Variants in RHEX observed in about 807,000 individuals in gnomAD.
RHEX encodes the protein regulator of hemoglobinization and erythroid cell expansion, also known as regulator of hemoglobinization and erythroid cell expansion protein.
In RHEX, 18 loss-of-function variants were observed where a neutral mutation model predicts 20.1. The ratio of observed to expected loss-of-function variants is 0.90; its 90% CI spans 0.62 to 1.33. The LOEUF (loss-of-function observed/expected upper bound fraction) is 1.33. Among genes scored for constraint, RHEX ranks in the 40% most tolerant of loss-of-function variants. RHEX has a pLI of 0.00. For synonymous variants in RHEX, 87 were observed against 77.1 expected, an observed-to-expected ratio of 1.13 and a Z score of -0.67; for missense variants, 192 against 214.3, an observed-to-expected ratio of 0.90 and a Z score of 0.65.
intron 1 of RHEX, among the ~76,000 whole-genome samples, chr1:206,057,416 C>A (rs1662214274): frequency 6.6e-6 from 1 of 152,252 alleles, no homozygotes; most frequent in Non-Finnish European, 1.5e-5. Flanking sequence ...TTTACTCATC[C>A]TGTAGGGCAG....
chr1:206,101,880 C>G lies in RHEX; in HGVS notation c.447C>G (p.His149Gln), dbSNP rs782744250. The change falls in exon 6 of 6, where the codon CAC becomes CAG. Residue 149 changes from histidine to glutamine, a missense_variant. His to Gln is a conservative substitution (Grantham distance 24). Coordinates refer to ENST00000331555, the MANE Select transcript of RHEX (RefSeq NM_001007544.4). Reference sequence around the variant, plus strand: ...ATGTCAATGTCAATCCAGAAAGACACAAGCCCAGTTTCTGGTATTTTGTCA... The same window carrying G: ...ATGTCAATGTCAATCCAGAAAGACAGAAGCCCAGTTTCTGGTATTTTGTCA... ...TDYVNVNPERHKPSFWYFVNP... is the reference protein window; with the variant it reads ...TDYVNVNPERQKPSFWYFVNP... The G allele has an allele frequency of 6.8e-6, 11 of 1,613,978 alleles. No homozygotes were observed. In the Admixed American group the frequency reaches 1.8e-4, roughly 27 times the overall value.
chr1:206,076,181 G>A (rs564869211), intron 1 of RHEX, among the ~76,000 whole-genome samples: 178 of 151,590 alleles, frequency 1.2e-3, no homozygotes, highest in Admixed American at 2.0e-3. Flanking sequence ...ATGAGACAGG[G>A]TTTTGCTCTG....
In RHEX at chr1:206,082,307, G is replaced by C. The variant is rs1571865376; in HGVS notation, c.-96-15426G>C. On this transcript the variant is annotated intron_variant, in intron 1 of 5. Transcript: ENST00000331555. ...CTGAGGCGGGTGAAGCACGATGTCA[G>C]GAGTTTGAGACCAGCTCCTGACCAG... is the stretch of plus-strand genomic sequence containing the variant. 1.3e-5 allele frequency among the ~76,000 whole-genome samples: 2 copies of C among 152,190 alleles called. 1 individual carries two copies. Among genetic ancestry groups the C allele is most frequent in the East Asian group, 3.9e-4 (2 of 5,172 alleles).
chr1:206,075,183 T>C (rs1206069353), intron 1 of RHEX, among the ~76,000 whole-genome samples: 1 of 152,250 alleles, frequency 6.6e-6, no homozygotes, highest in Non-Finnish European at 1.5e-5. Flanking sequence ...TGTAAGTGTG[T>C]AGCATCTTGC....
At chr1:206,055,932 A>G (rs1662186928) in intron 1 of RHEX, among the ~76,000 whole-genome samples, 2 of 152,284 alleles carry the variant, frequency 1.3e-5, no homozygotes, top group Non-Finnish European at 2.9e-5. Context: ...TAGCCCTGTT[A>G]GCACAAGAAG....
chr1:206,076,400 A>G (rs1416920322), intron 1 of RHEX, among the ~76,000 whole-genome samples: 1 of 152,230 alleles, frequency 6.6e-6, no homozygotes, highest in Non-Finnish European at 1.5e-5. Flanking sequence ...TCCTGGGCTC[A>G]AGCGATCCAC....
At chr1:206,070,950 A>G (rs79175076) in intron 1 of RHEX, among the ~76,000 whole-genome samples, 2,357 of 152,294 alleles carry the variant, frequency 0.015, 53 homozygotes, top group African/African-American at 0.053. Context: ...GGCTGATTTT[A>G]TTAGGGTTCT....
chr1:206,065,397 G>T (rs765473139), intron 1 of RHEX, among the ~76,000 whole-genome samples: 3 of 152,220 alleles, frequency 2.0e-5, no homozygotes, highest in Non-Finnish European at 1.5e-5. Context: ...AAAAGGACTT[G>T]CATGCTTCTC....
chr1:206,086,640 T>C (rs1662846578), intron 1 of RHEX, among the ~76,000 whole-genome samples: 1 of 152,216 alleles, frequency 6.6e-6, no homozygotes. Flanking sequence ...ATTCTGAGGA[T>C]TAAATAAGAT....
intron 1 of RHEX, among the ~76,000 whole-genome samples, chr1:206,089,900 T>C (rs1662912766): frequency 6.6e-6 from 1 of 152,136 alleles, no homozygotes; most frequent in African/African-American, 2.4e-5. Context: ...TATAGTAATA[T>C]TCAATCCTAA....
intron 1 of RHEX, among the ~76,000 whole-genome samples, chr1:206,092,443 A>C (rs959572185): frequency 3.3e-5 from 5 of 152,222 alleles, no homozygotes. Context: ...GGCCAAGCTC[A>C]TGCAGAGAAT....
intron 1 of RHEX, among the ~76,000 whole-genome samples, chr1:206,065,753 C>T (rs550227545): frequency 1.3e-5 from 2 of 152,302 alleles, no homozygotes; most frequent in African/African-American, 4.8e-5. Flanking sequence ...GGGAAGCTGC[C>T]TCTCCATCCA....
chr1:206,065,039 A>G (rs57901634), intron 1 of RHEX, among the ~76,000 whole-genome samples: 11,700 of 151,382 alleles, frequency 0.077, 1,097 homozygotes, highest in African/African-American at 0.22. Context: ...GATTAAGGGC[A>G]GTGCAAGATG....
intron 2 of RHEX, 56 bp from the exon 3 acceptor site, chr1:206,098,025 C>T: frequency 2.1e-6 from 3 of 1,405,936 alleles, no homozygotes; most frequent in South Asian, 1.1e-5. Flanking sequence ...GATAGGTTTG[C>T]AATTGTATTC....
intron 1 of RHEX, among the ~76,000 whole-genome samples, chr1:206,072,782 T>C (rs1195382041): frequency 6.7e-6 from 1 of 149,642 alleles, no homozygotes; most frequent in Non-Finnish European, 1.5e-5. Context: ...TTATGACTGC[T>C]CCTCATGGCT....
chr1:206,079,898 C>T (rs1307634914), intron 1 of RHEX, among the ~76,000 whole-genome samples: 1 of 152,208 alleles, frequency 6.6e-6, no homozygotes, highest in African/African-American at 2.4e-5. Context: ...TATGAAAACT[C>T]TTTGGATGCA....
chr1:206,074,309 T>C (rs148795614), intron 1 of RHEX, among the ~76,000 whole-genome samples: 116 of 152,338 alleles, frequency 7.6e-4, no homozygotes, highest in African/African-American at 2.6e-3. Context: ...TCTATCTTCT[T>C]CAACTCTGTA....
At chr1:206,072,507 C>T (rs1255933762) in intron 1 of RHEX, among the ~76,000 whole-genome samples, 5 of 151,980 alleles carry the variant, frequency 3.3e-5, no homozygotes, top group African/African-American at 7.2e-5. Context: ...ACCTGGGAGG[C>T]GGAGGTTGCA....
intron 1 of RHEX, among the ~76,000 whole-genome samples, chr1:206,056,129 G>A (rs1250486265): frequency 6.6e-6 from 1 of 152,286 alleles, no homozygotes; most frequent in Non-Finnish European, 1.5e-5. Flanking sequence ...CCTTCCTCCC[G>A]GTGTCAGAGA....
Sources: allele counts gnomAD v4.1 joint callset (sites outside exome capture counted in the v4.1 genomes callset), GRCh38; gene constraint gnomAD v4.1.1; transcripts MANE v1.5; gene names NCBI Gene and HGNC (gene_info 2026-07-23, HGNC 2026-07-21).